The following FBXW11 variants were observed in gnomAD, a reference collection of about 807,000 sequenced individuals.
FBXW11 encodes F-box/WD repeat-containing protein 11.
In FBXW11, 19 loss-of-function variants were observed where a neutral mutation model predicts 77.6. The ratio of observed to expected loss-of-function variants is 0.24; its 90% CI spans 0.17 to 0.36. FBXW11 has a LOEUF of 0.36. FBXW11 is among the 10% of genes least tolerant of loss of function. The pLI, the probability that FBXW11 is intolerant of heterozygous loss-of-function variation, is 1.00. For missense variants in FBXW11, 334 were observed against 704.2 expected, an observed-to-expected ratio of 0.47 and a Z score of 5.95; for synonymous variants, 235 against 249.4, an observed-to-expected ratio of 0.94 and a Z score of 0.54.
rs1194391628 is a variant in FBXW11 at position 172,006,636 on chromosome 5, G to A, written c.-134C>T. 8.5e-6 allele frequency: 11 copies of A among 1,298,316 alleles called. No individual in the cohort carries two copies. Among genetic ancestry groups the A allele is most frequent in the South Asian group, 4.4e-5 (2 of 45,140 alleles). The allele number at this position is 1,298,316 out of a possible 1,614,324, so 80.4% of individuals were successfully genotyped here. ...TAGCTGCCAGCCCGCCCGGGCCGCC[G>A]GCAGCTCCGCCCTCCCCCTCGGCGA... On this transcript the variant is annotated 5_prime_UTR_variant, in exon 1 of 14. Coordinates refer to ENST00000517395, the MANE Select transcript of FBXW11 (RefSeq NM_001378974.1).
intron 1 of FBXW11, among the ~76,000 whole-genome samples, chr5:171,992,834 G>A (rs889050691): frequency 6.6e-6 from 1 of 151,720 alleles, no homozygotes; most frequent in Non-Finnish European, 1.5e-5. Context: ...TCCATCCATA[G>A]GCAACTCAAA....
At chr5:171,927,019 C>T (rs943546942) in intron 2 of FBXW11, among the ~76,000 whole-genome samples, 5 of 149,560 alleles carry the variant, frequency 3.3e-5, no homozygotes, top group African/African-American at 1.2e-4. Flanking sequence ...CAAAGAAATA[C>T]AAAAAAAAAT....
At chr5:171,893,986 TG>T (rs1360412595) in intron 6 of FBXW11, among the ~76,000 whole-genome samples, 4 of 146,884 alleles carry the variant, frequency 2.7e-5, no homozygotes, top group East Asian at 2.0e-4. Flanking sequence ...AAAGAGGGGA[TG>T]GGGGGGAATC....
rs550432329 is a variant in FBXW11, at chr5:171,862,276, A to C, written c.*1851T>G. ...GTTTATTGTTTACACTTTGAGACTCAACCTCTCAAAAACATAAATTAATTT... is the reference window on the plus strand; with the variant it reads ...GTTTATTGTTTACACTTTGAGACTCCACCTCTCAAAAACATAAATTAATTT... On this transcript the variant is annotated 3_prime_UTR_variant, in exon 14 of 14. Transcript: ENST00000517395. The C allele has an allele frequency of 7.2e-5, 11 of 152,738 alleles. No homozygotes were observed. The highest frequency in any genetic ancestry group is 2.2e-4 in the African/African-American group (9 of 41,566). 9.5% of individuals were successfully genotyped at this position (152,738 alleles called of 1,614,324 possible).
chr5:171,886,559 A>T (rs1260502610), intron 7 of FBXW11, among the ~76,000 whole-genome samples: 2 of 152,006 alleles, frequency 1.3e-5, no homozygotes, highest in Non-Finnish European at 2.9e-5. Flanking sequence ...GTACCCTAAA[A>T]CTTAAAGTAT....
intron 2 of FBXW11, among the ~76,000 whole-genome samples, chr5:171,921,330 T>C (rs1735335217): frequency 6.6e-6 from 1 of 152,248 alleles, no homozygotes; most frequent in African/African-American, 2.4e-5. Context: ...GAGAATTATA[T>C]GAGGAATCAA....
intron 2 of FBXW11, among the ~76,000 whole-genome samples, chr5:171,928,297 CTTAATA>C (rs894317397): frequency 6.6e-5 from 10 of 152,094 alleles, no homozygotes; most frequent in Admixed American, 2.6e-4. Flanking sequence ...GATTGCAAGA[CTTAATA>C]TTAAGATCTT....
chr5:171,905,489 A>G (rs1760419743), intron 4 of FBXW11, among the ~76,000 whole-genome samples: 1 of 152,000 alleles, frequency 6.6e-6, no homozygotes, highest in South Asian at 2.1e-4. Flanking sequence ...CTCTCCCCCA[A>G]ATCCTCTCAG....
chr5:171,868,893 A>G (rs187259268), intron 12 of FBXW11, 97 bp from the exon 13 acceptor site: 17 of 1,119,550 alleles, frequency 1.5e-5, no homozygotes, highest in Non-Finnish European at 2.2e-5. Flanking sequence ...GCAGCCACTT[A>G]AACAGACTTC....
chr5:171,910,290 T>C (rs568010749), intron 4 of FBXW11, among the ~76,000 whole-genome samples: 3 of 152,234 alleles, frequency 2.0e-5, no homozygotes, highest in Admixed American at 2.0e-4. Flanking sequence ...GGTATCAAAC[T>C]TCTGACCTCA....
chr5:171,884,406 TTTTTG>T (rs1758737432), intron 7 of FBXW11, among the ~76,000 whole-genome samples: 1 of 152,238 alleles, frequency 6.6e-6, no homozygotes, highest in South Asian at 2.1e-4. Context: ...TATATCCCTA[TTTTTG>T]TACCAGTACC....
At chr5:171,953,512 A>T (rs1763459418) in intron 2 of FBXW11, among the ~76,000 whole-genome samples, 1 of 152,206 alleles carries the variant, frequency 6.6e-6, no homozygotes, top group South Asian at 2.1e-4. Context: ...AAACAGCCTT[A>T]TCATATGCAT....
At chr5:171,968,273 G>T in intron 1 of FBXW11, among the ~76,000 whole-genome samples, 1 of 151,952 alleles carries the variant, frequency 6.6e-6, no homozygotes. Context: ...CGGCTAACAC[G>T]GTGAAACCCC....
chr5:171,983,238 C>T (rs1765248102), intron 1 of FBXW11, among the ~76,000 whole-genome samples: 1 of 152,102 alleles, frequency 6.6e-6, no homozygotes, highest in African/African-American at 2.4e-5. Context: ...GACAGATGAA[C>T]AGGTGGAGGT....
chr5:171,864,482 C>T (rs1403079584), intron 13 of FBXW11, among the ~76,000 whole-genome samples: 1 of 152,144 alleles, frequency 6.6e-6, no homozygotes, highest in African/African-American at 2.4e-5. Flanking sequence ...GCTTCACATT[C>T]GATTTTATAT....
intron 1 of FBXW11, among the ~76,000 whole-genome samples, chr5:171,979,229 A>G (rs1765013650): frequency 6.6e-6 from 1 of 152,162 alleles, no homozygotes; most frequent in Admixed American, 6.6e-5. Flanking sequence ...ACTGAGGTGG[A>G]TCACTTGAGC....
At chr5:172,003,305 G>A (rs1346580929) in intron 1 of FBXW11, 1 of 152,130 alleles carries the variant, frequency 6.6e-6, no homozygotes, top group Non-Finnish European at 1.5e-5. Flanking sequence ...TTCTAGTGAT[G>A]AGTGCCTGAA....
chr5:171,921,543 A>G (rs1761597935), intron 2 of FBXW11, among the ~76,000 whole-genome samples: 1 of 152,194 alleles, frequency 6.6e-6, no homozygotes, highest in Non-Finnish European at 1.5e-5. Context: ...GACTGCAAGC[A>G]GAATGTTTTA....
intron 2 of FBXW11, among the ~76,000 whole-genome samples, chr5:171,918,827 C>A (rs1269589158): frequency 2.0e-5 from 3 of 152,130 alleles, no homozygotes; most frequent in Non-Finnish European, 4.4e-5. Flanking sequence ...CATTCCACAC[C>A]CTCTGAACTG....
Sources: gnomAD v4.1 joint callset for allele counts (sites outside exome capture counted in the v4.1 genomes callset) on GRCh38, gnomAD v4.1.1 for gene constraint, MANE v1.5 for transcripts, NCBI Gene and HGNC (gene_info 2026-07-23, HGNC 2026-07-21) for gene names.